Variants in ZMYM4 observed in about 807,000 individuals in gnomAD.
ZMYM4 encodes zinc finger MYM-type protein 4.
Under a neutral mutation model 183.2 loss-of-function variants are expected in ZMYM4, and 31 were observed. The observed-to-expected ratio is 0.17, with a 90% CI of 0.13 to 0.23. The LOEUF (loss-of-function observed/expected upper bound fraction) is 0.23. Ranked by LOEUF, ZMYM4 falls within the 10% of genes least tolerant of loss-of-function variation. The pLI is 1.00. For missense variants in ZMYM4, 1,273 were observed against 1,840.3 expected (o/e 0.69, Z 5.64); for synonymous variants, 592 against 631.2 (o/e 0.94, Z 0.93).
intron 23 of ZMYM4, among the ~76,000 whole-genome samples, chr1:35,402,137 G>T (rs923526744): frequency 1.4e-5 from 2 of 141,490 alleles, no homozygotes; most frequent in African/African-American, 5.3e-5. Context: ...AAAAAAAAAA[G>T]GCTGCTAGAA....
chr1:35,302,311 A>G (rs1641324570), intron 1 of ZMYM4, among the ~76,000 whole-genome samples: 1 of 140,772 alleles, frequency 7.1e-6, no homozygotes, highest in South Asian at 2.2e-4. Flanking sequence ...GGCTCAATAG[A>G]TCCTCCTGCC....
intron 1 of ZMYM4, among the ~76,000 whole-genome samples, chr1:35,300,542 A>G (rs1641233340): frequency 6.6e-6 from 1 of 152,158 alleles, no homozygotes; most frequent in Non-Finnish European, 1.5e-5. Flanking sequence ...GACTCCAGTT[A>G]TATGTATATT....
Position 35,389,874 on chromosome 1 carries a change from T to C in ZMYM4, c.2437-74T>C. On this transcript the variant is annotated intron_variant, in intron 14 of 29. Transcript: ENST00000314607. This position sits in a 1 kb window ranked among gnomAD's most constrained non-coding sequence, Gnocchi z 4.0. Reference sequence around the variant, plus strand: ...TCTAAGTTAATTTCGTCACTTGTTATGTGTGTCTTATTTTTATTTTGTCAG... The same window carrying C: ...TCTAAGTTAATTTCGTCACTTGTTACGTGTGTCTTATTTTTATTTTGTCAG... The C allele has an allele frequency of 2.7e-6, 4 of 1,501,124 alleles. No homozygotes were observed. Among genetic ancestry groups the C allele is most frequent in the Non-Finnish European group, 2.7e-6 (3 of 1,110,874 alleles). The allele number at this position is 1,501,124 out of a possible 1,614,324, so 93.0% of individuals were successfully genotyped here.
intron 1 of ZMYM4, among the ~76,000 whole-genome samples, chr1:35,274,073 T>G (rs962039333): frequency 2.0e-5 from 3 of 152,224 alleles, no homozygotes. Context: ...TGATCCCTCT[T>G]AATTCCTTAA....
intron 15 of ZMYM4, among the ~76,000 whole-genome samples, 179 bp downstream of exon 15, chr1:35,390,277 G>A (rs1247737658): frequency 2.6e-5 from 4 of 152,068 alleles, no homozygotes; most frequent in East Asian, 1.9e-4. Flanking sequence ...ACTGTCGTCC[G>A]TGTGAAGAGA....
intron 2 of ZMYM4, among the ~76,000 whole-genome samples, chr1:35,345,148 G>T (rs981861949): frequency 2.6e-5 from 4 of 152,190 alleles, no homozygotes; most frequent in Non-Finnish European, 5.9e-5. Context: ...TGAAGTTTTA[G>T]TTTGACTAAA....
chr1:35,378,028 C>T (rs1644371565), intron 7 of ZMYM4, among the ~76,000 whole-genome samples: 1 of 152,230 alleles, frequency 6.6e-6, no homozygotes, highest in Non-Finnish European at 1.5e-5. Context: ...AAGTTCACAG[C>T]ATCTGCACCA....
chr1:35,361,021 G>A (rs1212026915), intron 3 of ZMYM4, among the ~76,000 whole-genome samples, 173 bp from the exon 4 acceptor site: 3 of 151,094 alleles, frequency 2.0e-5, no homozygotes, highest in Non-Finnish European at 4.4e-5. Context: ...GCCAGATTGT[G>A]CAGAACTTTG....
At chr1:35,336,725 C>T (rs1042471011) in intron 2 of ZMYM4, among the ~76,000 whole-genome samples, 2 of 152,072 alleles carry the variant, frequency 1.3e-5, no homozygotes, top group African/African-American at 4.8e-5. Flanking sequence ...ATTTTTAAGG[C>T]TGAATCATAT....
At chr1:35,405,921 A>G (rs1277387564) in intron 25 of ZMYM4, among the ~76,000 whole-genome samples, 2 of 152,194 alleles carry the variant, frequency 1.3e-5, no homozygotes, top group Non-Finnish European at 2.9e-5. Context: ...ATAAAGCAAC[A>G]GTGTATAATT....
chr1:35,370,136 T>C (rs765651368), intron 6 of ZMYM4, 23 bp downstream of exon 6: 24 of 1,609,186 alleles, frequency 1.5e-5, no homozygotes, highest in Admixed American at 6.7e-5. Context: ...CCTGAATAAA[T>C]GGATTGTGTA....
chr1:35,285,616 GTTTGCATAGTA>G (rs1640444609), intron 1 of ZMYM4, among the ~76,000 whole-genome samples: 1 of 152,152 alleles, frequency 6.6e-6, no homozygotes, highest in African/African-American at 2.4e-5. Context: ...TATAACAACT[GTTTGCATAGTA>G]TTTGCATTGT....
At chr1:35,273,201 A>G (rs1473050590) in intron 1 of ZMYM4, among the ~76,000 whole-genome samples, 3 of 152,178 alleles carry the variant, frequency 2.0e-5, no homozygotes, top group Non-Finnish European at 4.4e-5. Context: ...TTCATCTATC[A>G]TCTCTAGTAT....
chr1:35,396,761 A>G (rs2149003796), intron 19 of ZMYM4, 91 bp downstream of exon 19: 2 of 1,407,162 alleles, frequency 1.4e-6, no homozygotes, highest in South Asian at 2.9e-5. Context: ...TTCATTTGTT[A>G]GTAAAATATA....
At position 35,357,889 on chromosome 1, in the gene ZMYM4, A is replaced by G. The variant is rs182904520; in HGVS notation, c.86-1036A>G. On this transcript the variant is annotated intron_variant, in intron 2 of 29. Coordinates refer to ENST00000314607, the MANE Select transcript of ZMYM4 (RefSeq NM_005095.3). ...GTCTGAGTGTAAAAGTAAAGAGAAC[A>G]GGAATCTTGCAGAAAAGCTAACATT... Among the ~76,000 whole-genome samples the G allele has an allele frequency of 8.5e-5, 13 of 152,342 alleles. 2 individuals carry two copies. The highest frequency in any genetic ancestry group is 2.6e-4 in the African/African-American group (11 of 41,582).
At chr1:35,270,423 C>T (rs1284590901) in intron 1 of ZMYM4, among the ~76,000 whole-genome samples, 1 of 151,708 alleles carries the variant, frequency 6.6e-6, no homozygotes, top group Non-Finnish European at 1.5e-5. Context: ...ATAAAACTTA[C>T]GGGGAGCAGT....
At chr1:35,318,054 GTT>G (rs58071694) in intron 1 of ZMYM4, among the ~76,000 whole-genome samples, 44 of 116,604 alleles carry the variant, frequency 3.8e-4, no homozygotes, top group African/African-American at 9.6e-4. Context: ...GATTATGGCA[GTT>G]TTTTTTTTTT....
chr1:35,356,096 G>A (rs1000763662), intron 2 of ZMYM4, among the ~76,000 whole-genome samples: 3 of 152,128 alleles, frequency 2.0e-5, no homozygotes, highest in African/African-American at 7.2e-5. Flanking sequence ...TGTTATCTCA[G>A]CCACTTGAGA....
chr1:35,399,084 T>G, intron 22 of ZMYM4, 41 bp downstream of exon 22: 2 of 1,593,520 alleles, frequency 1.3e-6, no homozygotes, highest in Non-Finnish European at 1.7e-6. Flanking sequence ...CTTTTTATTT[T>G]AAAAGATCGG....
Sources: gnomAD v4.1 joint callset for allele counts (sites outside exome capture counted in the v4.1 genomes callset) on GRCh38, gnomAD v4.1.1 for gene constraint, Gnocchi (gnomAD v3.1) non-coding constraint, MANE v1.5 for transcripts, NCBI Gene and HGNC (gene_info 2026-07-23, HGNC 2026-07-21) for gene names.